PTK2B: variants seen among roughly 807,000 people sequenced by gnomAD.
PTK2B encodes the protein protein-tyrosine kinase 2-beta.
Under a neutral mutation model 142.9 loss-of-function variants are expected in PTK2B, and 71 were observed. That is an observed-to-expected ratio of 0.50 (90% CI 0.41 to 0.61). The LOEUF is 0.61. Ranked by LOEUF, PTK2B falls within the 20% of genes least tolerant of loss-of-function variation. The pLI is 0.00. For missense variants in PTK2B, 1,105 were observed against 1,320.4 expected (o/e 0.84, Z 2.53); for synonymous variants, 519 against 503.4 (o/e 1.03, Z -0.42).
Position 27,451,522 on chromosome 8 carries a change from G to C in PTK2B, c.2548+13G>C. 1 of 1,614,068 alleles carries C rather than the reference G, an allele frequency of 6.2e-7. No individual in the cohort carries two copies. The highest frequency in any genetic ancestry group is 8.5e-7 in the Non-Finnish European group (1 of 1,179,994). On this transcript the variant is annotated intron_variant, in intron 27 of 30. Transcript: ENST00000346049. Reference sequence around the variant, plus strand: ...GAGGTCGGCTACCGTGAGTGTTCCCGCCCTTCTTCGGGGGGTTTCCTCTTG... The same window carrying C: ...GAGGTCGGCTACCGTGAGTGTTCCCCCCCTTCTTCGGGGGGTTTCCTCTTG...
At chr8:27,437,736 G>A (rs769928672) in intron 17 of PTK2B, 29 bp from the exon 18 acceptor site, 1 of 1,587,258 alleles carries the variant, frequency 6.3e-7, no homozygotes, top group East Asian at 2.3e-5. Context: ...CCAACCAGGG[G>A]TCTTGATGGC....
At chr8:27,430,031 C>T in intron 5 of PTK2B, 62 bp from the exon 6 acceptor site, 1 of 1,494,242 alleles carries the variant, frequency 6.7e-7, no homozygotes, top group Admixed American at 1.7e-5. Context: ...CATGAGGTGC[C>T]CTGGGTCTGA....
chr8:27,457,511 A>C (rs538152591), intron 30 of PTK2B, among the ~76,000 whole-genome samples: 4 of 152,232 alleles, frequency 2.6e-5, no homozygotes, highest in Non-Finnish European at 5.9e-5. Context: ...GCCATAGATA[A>C]TGATTTCTCT....
rs552979766 is a variant in PTK2B at position 27,431,521 on chromosome 8, C to T, written c.885+49C>T. The T allele has an allele frequency of 1.3e-4, 215 of 1,607,914 alleles. 1 individual carries two copies. In the South Asian group the frequency reaches 2.2e-3, roughly 17 times the overall value. On this transcript the variant is annotated intron_variant, in intron 9 of 30. Transcript: ENST00000346049. ...ACCCAGCCCCAGGCGGGGAGGTCGT[C>T]CCCTCTCTGCTGCCTCCCGCCCTGT...
At chr8:27,430,236 T>C in intron 6 of PTK2B, 81 bp downstream of exon 6, 2 of 1,576,996 alleles carry the variant, frequency 1.3e-6, no homozygotes, top group Non-Finnish European at 1.7e-6. Context: ...CCTCCACCCC[T>C]CCCCAGACCA....
chr8:27,327,646 T>C (rs2130775232), intron 1 of PTK2B, among the ~76,000 whole-genome samples: 1 of 152,260 alleles, frequency 6.6e-6, no homozygotes, highest in East Asian at 1.9e-4. Context: ...TGGATTTTAT[T>C]ATGAGCTCAT....
intron 1 of PTK2B, among the ~76,000 whole-genome samples, chr8:27,373,968 G>A (rs1806511760): frequency 6.6e-6 from 1 of 151,946 alleles, no homozygotes; most frequent in South Asian, 2.1e-4. Flanking sequence ...TTGCAAGGAG[G>A]AGGGATCGAA....
At chr8:27,397,446 T>G in intron 1 of PTK2B, 102 bp from the exon 2 acceptor site, 1 of 862,202 alleles carries the variant, frequency 1.2e-6, no homozygotes, top group Non-Finnish European at 1.9e-6. Flanking sequence ...ATATATAGCA[T>G]TTGTGTCTGT....
chr8:27,432,274 C>T lies in PTK2B; in HGVS notation c.900C>T (p.Ala300=), dbSNP rs200116993. 314 of 1,614,026 alleles carry T rather than the reference C, an allele frequency of 1.9e-4. No individual in the cohort carries two copies. The highest frequency in any genetic ancestry group is 2.5e-4 in the Non-Finnish European group (292 of 1,179,990). Residue 300 remains alanine (A), a synonymous_variant, in exon 10 of 31, where the codon GCC becomes GCT. Transcript: ENST00000346049. ...TTTTCCCACAGCCCACCTGCCTGGC[C>T]GAGTTCAAGCAGATCAGGTCCATCA... ...TSQDAKPTCL[A]EFKQIRSIRC...
intron 24 of PTK2B, among the ~76,000 whole-genome samples, chr8:27,448,453 G>A (rs1170737600): frequency 6.6e-6 from 1 of 152,176 alleles, no homozygotes; most frequent in Non-Finnish European, 1.5e-5. Context: ...ATTTTTTTGA[G>A]TGTTCATTTT....
intron 12 of PTK2B, 77 bp downstream of exon 12, chr8:27,434,209 G>C: frequency 6.5e-7 from 1 of 1,528,890 alleles, no homozygotes; most frequent in Non-Finnish European, 9.0e-7. Flanking sequence ...TAAACTGGGA[G>C]TCCCCACCTC....
chr8:27,406,812 A>C (rs567245338), intron 2 of PTK2B, among the ~76,000 whole-genome samples: 2 of 152,350 alleles, frequency 1.3e-5, no homozygotes, highest in East Asian at 3.8e-4. Context: ...CTCTGAACCC[A>C]GTCCCCATGT....
At chr8:27,315,010 G>A (rs139037230) in intron 3 of PTK2B, among the ~76,000 whole-genome samples, 3 of 152,330 alleles carry the variant, frequency 2.0e-5, no homozygotes, top group Non-Finnish European at 2.9e-5. Context: ...ACTTCAAGGG[G>A]CAAAGGAGAC....
Position 27,454,522 on chromosome 8 carries a change from T to A in PTK2B, c.2734-9T>A, listed in dbSNP as rs1563306914. On this transcript the variant is annotated splice_polypyrimidine_tract_variant and intron_variant, in intron 29 of 30. Transcript: ENST00000346049. ...GAGTGGCGGCCATCCTGCCCCTTTC[T>A]CCCCCCAGAATGTGGGGCTGACCCT... The A allele has an allele frequency of 6.2e-7, 1 of 1,613,368 alleles. No homozygotes were observed. Among genetic ancestry groups the A allele is most frequent in the South Asian group, 1.1e-5 (1 of 91,058 alleles).
chr8:27,432,207 T>C, intron 9 of PTK2B, 53 bp from the exon 10 acceptor site: 1 of 1,553,396 alleles, frequency 6.4e-7, no homozygotes, highest in Non-Finnish European at 8.8e-7. Context: ...CCAATCTGCA[T>C]GGCCTAGTCC....
chr8:27,317,174 T>C (rs1408788610), intron 3 of PTK2B, among the ~76,000 whole-genome samples: 1 of 152,210 alleles, frequency 6.6e-6, no homozygotes, highest in Non-Finnish European at 1.5e-5. Flanking sequence ...AAGAAACCTT[T>C]CTTAAAACCT....
chr8:27,446,502 G>A (rs534452072), intron 24 of PTK2B, among the ~76,000 whole-genome samples: 1 of 152,148 alleles, frequency 6.6e-6, no homozygotes, highest in Non-Finnish European at 1.5e-5. Flanking sequence ...TGCTGGTGAA[G>A]CCCGGAGTGC....
At chr8:27,403,231 C>T (rs1185255528) in intron 2 of PTK2B, among the ~76,000 whole-genome samples, 1 of 152,204 alleles carries the variant, frequency 6.6e-6, no homozygotes, top group Non-Finnish European at 1.5e-5. Flanking sequence ...ACATGTCCTT[C>T]CCCAAGAACA....
At chr8:27,329,086 C>T (rs890314496) in intron 1 of PTK2B, among the ~76,000 whole-genome samples, 1 of 152,000 alleles carries the variant, frequency 6.6e-6, no homozygotes, top group Non-Finnish European at 1.5e-5. Flanking sequence ...TACAGGCACG[C>T]ACCACCACGT....
Sources: gnomAD v4.1 joint callset for allele counts (sites outside exome capture counted in the v4.1 genomes callset) on GRCh38, gnomAD v4.1.1 for gene constraint, MANE v1.5 for transcripts, NCBI Gene and HGNC (gene_info 2026-07-23, HGNC 2026-07-21) for gene names.